PKN3: variants seen among roughly 807,000 people sequenced by gnomAD.
PKN3 encodes the protein serine/threonine-protein kinase N3.
A neutral mutation model predicts 113.1 loss-of-function variants in PKN3; 91 were observed. The observed-to-expected ratio is 0.80, with a 90% CI of 0.68 to 0.96. The LOEUF (loss-of-function observed/expected upper bound fraction) is 0.96. Among genes scored for constraint, PKN3 ranks in the 40% least tolerant of loss-of-function variants. The probability of loss-of-function intolerance (pLI) is 0.00; values close to 1 mark genes in which losing one functional copy is unlikely to be tolerated. For synonymous variants in PKN3, 467 were observed against 499.0 expected, an observed-to-expected ratio of 0.94 and a Z score of 0.85; for missense variants, 1,052 against 1,202.2, an observed-to-expected ratio of 0.88 and a Z score of 1.85.
Position 128,720,178 on chromosome 9 carries a change from A to C in PKN3, c.2377-25A>C, listed in dbSNP as rs759269486. 73 of 1,609,144 alleles carry C rather than the reference A, an allele frequency of 4.5e-5. No homozygotes were observed. Among genetic ancestry groups the C allele is most frequent in the Non-Finnish European group, 6.1e-5 (72 of 1,176,918 alleles). The stretch of plus-strand genomic sequence containing the variant: ...GCAGTGCCTGGGGCTGAATGCCCTA[A>C]GTGAGCGCCTGTCCTATTGCCCAGC... On this transcript the variant is annotated intron_variant, in intron 20 of 21. Transcript: ENST00000291906. The surrounding 1 kb of genome is among the most constrained non-coding windows in gnomAD (Gnocchi z 5.5).
intron 6 of PKN3, among the ~76,000 whole-genome samples, chr9:128,711,092 G>A (rs544539124): frequency 5.5e-4 from 84 of 151,560 alleles, no homozygotes; most frequent in African/African-American, 2.0e-3. Flanking sequence ...TGCAACCTCC[G>A]CCTCCCGGGT....
Position 128,715,747 on chromosome 9 carries a change from C to G in PKN3, c.1808+287C>G, listed in dbSNP as rs1038197172. ...ATCACTCTATGGCCAGGCGTGGTAA[C>G]TCATGCATGTAACCCCAGCACTTTG... On this transcript the variant is annotated intron_variant, in intron 15 of 21. Transcript: ENST00000291906. This position sits in a 1 kb window ranked among gnomAD's most constrained non-coding sequence, Gnocchi z 4.1. 2.0e-5 allele frequency among the ~76,000 whole-genome samples: 3 copies of G among 152,184 alleles called. No homozygotes were observed. The highest frequency in any genetic ancestry group is 4.4e-5 in the Non-Finnish European group (3 of 68,034).
chr9:128,703,080 C>G (rs962924643), intron 1 of PKN3, 141 bp downstream of exon 1: 14 of 612,614 alleles, frequency 2.3e-5, no homozygotes, highest in Admixed American at 1.3e-4. Flanking sequence ...GGCCCCGGCC[C>G]CGCGACGCCC....
Position 128,716,821 on chromosome 9 carries a change from G to A in PKN3, c.1883G>A (p.Cys628Tyr). The A allele has an allele frequency of 6.2e-7, 1 of 1,614,082 alleles. No individual in the cohort carries two copies. Among genetic ancestry groups the A allele is most frequent in the Non-Finnish European group, 8.5e-7 (1 of 1,179,998 alleles). ...GHPFLLSLLA[C>Y]FQTSSHACFV... ...CCTTTCCTGCTCTCCCTCCTTGCCTGCTTCCAGACCTCCAGCCATGCCTGC... is the reference window on the plus strand; with the variant it reads ...CCTTTCCTGCTCTCCCTCCTTGCCTACTTCCAGACCTCCAGCCATGCCTGC... The change falls in exon 16 of 22, where the codon TGC (cysteine) becomes TAC (tyrosine). Residue 628 changes from cysteine to tyrosine, a missense_variant. This residue lies in a region of PKN3 where 333 missense variants were observed against 442.8 expected (regional missense o/e 0.75). Coordinates refer to ENST00000291906, the MANE Select transcript of PKN3 (RefSeq NM_013355.5).
intron 17 of PKN3, 61 bp from the exon 18 acceptor site, chr9:128,718,488 C>G (rs1453211898): frequency 4.5e-5 from 72 of 1,593,764 alleles, no homozygotes; most frequent in Non-Finnish European, 4.3e-6. Context: ...CTCCAGGGGC[C>G]GTTACTGTTC....
intron 6 of PKN3, among the ~76,000 whole-genome samples, chr9:128,709,210 C>CG (rs1171253461): frequency 3.3e-5 from 5 of 150,428 alleles, no homozygotes; most frequent in Middle Eastern, 3.5e-3. Flanking sequence ...GCGGGAACCC[C>CG]GGGGGGCGGA....
At chr9:128,703,296 C>A in intron 1 of PKN3, 1 of 885,886 alleles carries the variant, frequency 1.1e-6, no homozygotes, top group Non-Finnish European at 1.4e-6. Flanking sequence ...GGGAATTAGC[C>A]GGGATAGAAA....
chr9:128,703,709 G>A, intron 1 of PKN3: 1 of 985,390 alleles, frequency 1.0e-6, no homozygotes, highest in Non-Finnish European at 1.2e-6. Flanking sequence ...AGGGCAGACG[G>A]GACCATGGGG....
In PKN3 at chr9:128,707,393, A is replaced by C; in HGVS notation, c.823A>C (p.Thr275Pro). Reference protein sequence around the residue: ...PQPSGTPVKPTALTGTLQVRL... With the variant: ...PQPSGTPVKPPALTGTLQVRL... Reference sequence around the variant, plus strand: ...GCCTTCAGGGACACCTGTGAAGCCCACCGCCCTAACAGGTAGTCAGAAGTT... The same window carrying C: ...GCCTTCAGGGACACCTGTGAAGCCCCCCGCCCTAACAGGTAGTCAGAAGTT... The change falls in exon 6 of 22, where the codon ACC becomes CCC. Residue 275 changes from threonine to proline, a missense_variant. Physicochemically the swap from Thr to Pro is conservative, Grantham distance 38. Around this residue, in one of 2 missense-constraint regions of PKN3, gnomAD observed 719 missense variants for 759.4 expected, o/e 0.95. Coordinates refer to ENST00000291906, the MANE Select transcript of PKN3 (RefSeq NM_013355.5). 1 of 1,607,698 alleles carries C rather than the reference A, an allele frequency of 6.2e-7. No individual in the cohort carries two copies. The highest frequency in any genetic ancestry group is 2.2e-5 in the East Asian group (1 of 44,722).
chr9:128,706,826 T>A lies in PKN3; in HGVS notation c.523+2T>A. 6.2e-7 allele frequency: 1 copy of A among 1,611,100 alleles called. No homozygotes were observed. Among genetic ancestry groups the A allele is most frequent in the Non-Finnish European group, 8.5e-7 (1 of 1,177,922 alleles). Reference sequence around the variant, plus strand: ...AGGCCAGTGGGTCCCCGGAGCCAGGTGAGGCCTTGAGACACAGGGAGGGCG... The same window carrying A: ...AGGCCAGTGGGTCCCCGGAGCCAGGAGAGGCCTTGAGACACAGGGAGGGCG... On this transcript the variant is annotated splice_donor_variant, in intron 4 of 21. Transcript: ENST00000291906. LOFTEE classifies it high-confidence loss of function.
chr9:128,719,703 C>T lies in PKN3; in HGVS notation c.2143C>T (p.Arg715Trp), dbSNP rs777715456. 2.5e-5 allele frequency: 39 copies of T among 1,556,336 alleles called. No homozygotes were observed. Among genetic ancestry groups the T allele is most frequent in the Admixed American group, 1.5e-4 (8 of 52,244 alleles). Residue 715 changes from arginine to tryptophan, a missense_variant, in exon 19 of 22, where the codon CGG (arginine) becomes TGG (tryptophan). Around this residue, in one of 2 missense-constraint regions of PKN3, gnomAD observed 333 missense variants for 442.8 expected, o/e 0.75. Transcript: ENST00000291906. ...LCKEGIGFGDRTSTFCGTPEF... is the reference protein window; with the variant it reads ...LCKEGIGFGDWTSTFCGTPEF... ...GTTTGCAGGGATCGGCTTCGGGGACCGGACTAGCACCTTCTGTGGCACCCC... is the reference window on the plus strand; with the variant it reads ...GTTTGCAGGGATCGGCTTCGGGGACTGGACTAGCACCTTCTGTGGCACCCC...
chr9:128,712,996 G>T, intron 6 of PKN3, 56 bp from the exon 7 acceptor site: 2 of 1,539,690 alleles, frequency 1.3e-6, no homozygotes, highest in Non-Finnish European at 1.8e-6. Context: ...GGACACCTTG[G>T]TGGTAGCAGT....
rs1186017820 is a variant in PKN3 at position 128,702,762 on chromosome 9, C to T, written c.-154C>T. On this transcript the variant is annotated 5_prime_UTR_variant, in exon 1 of 22. Transcript: ENST00000291906. ...GCGCGGACGGGAGGCGGCGCTGGTC[C>T]CGCGGGCCAGCGGGTCTCGGGAGGG... The T allele has an allele frequency of 8.6e-6, 5 of 582,600 alleles. No individual in the cohort carries two copies. The highest frequency in any genetic ancestry group is 2.0e-5 in the African/African-American group (1 of 50,044). The allele number at this position is 582,600 out of a possible 1,614,324, so 36.1% of individuals were successfully genotyped here.
intron 6 of PKN3, among the ~76,000 whole-genome samples, chr9:128,708,800 A>G (rs1390472478): frequency 6.6e-6 from 1 of 151,504 alleles, no homozygotes; most frequent in Admixed American, 6.6e-5. Flanking sequence ...CCAAGATTGC[A>G]CTGTTGCACT....
chr9:128,719,518 G>A (rs1862458130), intron 18 of PKN3, among the ~76,000 whole-genome samples, 168 bp from the exon 19 acceptor site: 1 of 152,140 alleles, frequency 6.6e-6, no homozygotes, highest in Non-Finnish European at 1.5e-5. Flanking sequence ...CTTAGCCTGT[G>A]AGCTTGGCTC....
chr9:128,713,619 C>G lies in PKN3; in HGVS notation c.1213C>G (p.Pro405Ala). 1 of 1,613,730 alleles carries G rather than the reference C, an allele frequency of 6.2e-7. No homozygotes were observed. Among genetic ancestry groups the G allele is most frequent in the Middle Eastern group, 1.7e-4 (1 of 6,060 alleles). The part of the protein sequence containing the change: ...ACHQLSLSLV[P>A]QGLLFAQVTF... ...TCACCAACTGTCCCTCAGCCTGGTA[C>G]CGCAGGGACTGCTTTTTGCCCAGGT... is the stretch of plus-strand genomic sequence containing the variant. Residue 405 changes from proline to alanine, a missense_variant, in exon 9 of 22, where the codon CCG becomes GCG. Around this residue, in one of 2 missense-constraint regions of PKN3, gnomAD observed 719 missense variants for 759.4 expected, o/e 0.95. Coordinates refer to ENST00000291906, the MANE Select transcript of PKN3 (RefSeq NM_013355.5).
At chr9:128,707,973 G>A (rs887421659) in intron 6 of PKN3, among the ~76,000 whole-genome samples, 1 of 150,866 alleles carries the variant, frequency 6.6e-6, no homozygotes, top group African/African-American at 2.4e-5. Context: ...TCAGGAAGCT[G>A]AGGCAGAGAA....
Position 128,705,737 on chromosome 9 carries a change from C to A in PKN3, c.269C>A (p.Pro90His). ...LPGPGPGPAE[P>H]VASGPRPWAE... ...TGCTCGATACCCCCGTGCACAGAGC[C>A]TGTGGCCTCAGGACCCCGGCCGTGG... The change falls in exon 3 of 22, where the codon CCT becomes CAT. Residue 90 changes from proline to histidine, a missense_variant. Physicochemically the swap from Pro to His is moderately conservative, Grantham distance 77 (BLOSUM62 -2). Coordinates refer to ENST00000291906, the MANE Select transcript of PKN3 (RefSeq NM_013355.5). 6.2e-7 allele frequency: 1 copy of A among 1,603,992 alleles called. No individual in the cohort carries two copies. The highest frequency in any genetic ancestry group is 1.1e-5 in the South Asian group (1 of 89,012).
At position 128,705,763 on chromosome 9, in the gene PKN3, G is replaced by T. The variant is rs540550803; in HGVS notation, c.295G>T (p.Ala99Ser). The change falls in exon 3 of 22, where the codon GCA becomes TCA. Residue 99 changes from alanine to serine, a missense_variant. Ala to Ser is a moderately conservative substitution (Grantham distance 99). Coordinates refer to ENST00000291906, the MANE Select transcript of PKN3 (RefSeq NM_013355.5). ...TGTGGCCTCAGGACCCCGGCCGTGGGCAGAGCAGCTCAGGGCTCGGCACCT... is the reference window on the plus strand; with the variant it reads ...TGTGGCCTCAGGACCCCGGCCGTGGTCAGAGCAGCTCAGGGCTCGGCACCT... ...EPVASGPRPW[A>S]EQLRARHLEA... is the part of the protein sequence containing the mutation. The T allele has an allele frequency of 1.4e-5, 22 of 1,608,058 alleles. 1 individual carries two copies. The South Asian group carries it at 1.8e-4, about 13-fold the overall frequency.
Sources: gnomAD v4.1 joint callset for allele counts (sites outside exome capture counted in the v4.1 genomes callset) on GRCh38, gnomAD v4.1.1 for gene constraint, gnomAD v4.1.1 regional missense constraint, Gnocchi (gnomAD v3.1) non-coding constraint, MANE v1.5 for transcripts, NCBI Gene and HGNC (gene_info 2026-07-23, HGNC 2026-07-21) for gene names.